The following C3orf20 variants were observed in gnomAD, a reference collection of about 807,000 sequenced individuals.
C3orf20 encodes the protein uncharacterized protein C3orf20.
A neutral mutation model predicts 88.3 loss-of-function variants in C3orf20; 76 were observed. That is an observed-to-expected ratio of 0.86 (90% CI 0.72 to 1.04). C3orf20 has a LOEUF of 1.04. C3orf20 is among the 50% of genes least tolerant of loss of function. C3orf20 has a pLI of 0.00. For missense variants in C3orf20, 1,056 were observed against 1,123.3 expected, an observed-to-expected ratio of 0.94 and a Z score of 0.86; for synonymous variants, 436 against 437.4, an observed-to-expected ratio of 1.00 and a Z score of 0.04.
In C3orf20 at chr3:14,684,390, C is replaced by T; in HGVS notation, c.625+8C>T. 2 of 1,613,172 alleles carry T rather than the reference C, an allele frequency of 1.2e-6. No individual in the cohort carries two copies. Among genetic ancestry groups the T allele is most frequent in the Non-Finnish European group, 1.7e-6 (2 of 1,179,648 alleles). ...GCGGACAGTTGTGGAAAGGTGGGTA[C>T]CTGAGCTTCAACCCTTAGGTAAGAA... On this transcript the variant is annotated splice_region_variant and intron_variant, in intron 4 of 16. Transcript: ENST00000253697.
intron 15 of C3orf20, among the ~76,000 whole-genome samples, chr3:14,766,654 T>A (rs541758936): frequency 6.6e-6 from 1 of 152,188 alleles, no homozygotes; most frequent in East Asian, 1.9e-4. Flanking sequence ...GCTGCACTCA[T>A]ACAGCAGTGG....
At position 14,721,736 on chromosome 3, in the gene C3orf20, C is replaced by A. The variant is rs768164832; in HGVS notation, c.1518C>A (p.Leu506=). The change falls in exon 10 of 17, where the codon CTC becomes CTA. Residue 506 remains leucine, a synonymous_variant. Transcript: ENST00000253697. ...TFTSLNETVT[L]TVSANNCPHG... ...CCTCCCTGAATGAGACAGTAACACT[C>A]ACTGTGTCGGCCAACAATTGTCCCC... The A allele has an allele frequency of 1.2e-6, 2 of 1,614,200 alleles. No individual in the cohort carries two copies. The highest frequency in any genetic ancestry group is 4.5e-5 in the East Asian group (2 of 44,872).
chr3:14,680,017 C>A (rs1231033253), intron 1 of C3orf20, among the ~76,000 whole-genome samples: 1 of 152,152 alleles, frequency 6.6e-6, no homozygotes, highest in Non-Finnish European at 1.5e-5. Context: ...GGCATAATAA[C>A]AAGTGCTGGC....
At chr3:14,720,480 C>T (rs370990759) in intron 9 of C3orf20, among the ~76,000 whole-genome samples, 14 of 152,162 alleles carry the variant, frequency 9.2e-5, no homozygotes, top group African/African-American at 3.4e-4. Context: ...GCGTAGACCC[C>T]TGGGCAAGCA....
chr3:14,723,038 A>G (rs1270276757), intron 10 of C3orf20, among the ~76,000 whole-genome samples: 2 of 152,252 alleles, frequency 1.3e-5, no homozygotes, highest in African/African-American at 4.8e-5. Flanking sequence ...CAGGGTGACC[A>G]CACTTCCCAG....
intron 12 of C3orf20, among the ~76,000 whole-genome samples, chr3:14,732,099 C>T (rs756789669): frequency 2.0e-5 from 3 of 152,236 alleles, no homozygotes; most frequent in Non-Finnish European, 4.4e-5. Context: ...GTACCATTAT[C>T]CATGTCCACC....
At chr3:14,728,163 C>T (rs1359697055) in intron 11 of C3orf20, among the ~76,000 whole-genome samples, 1 of 152,224 alleles carries the variant, frequency 6.6e-6, no homozygotes, top group East Asian at 1.9e-4. Flanking sequence ...GGCGAGGACA[C>T]AGGCTGAATG....
chr3:14,721,981 C>T, intron 10 of C3orf20, 197 bp downstream of exon 10: 4 of 612,688 alleles, frequency 6.5e-6, no homozygotes, highest in Non-Finnish European at 8.4e-6. Context: ...TAAGGGTCTT[C>T]CAGTTGTAAG....
intron 12 of C3orf20, among the ~76,000 whole-genome samples, chr3:14,746,499 A>T (rs1290351087): frequency 6.6e-6 from 1 of 152,174 alleles, no homozygotes; most frequent in East Asian, 1.9e-4. Flanking sequence ...TTATGACGAG[A>T]TAACTGCAAC....
intron 1 of C3orf20, among the ~76,000 whole-genome samples, chr3:14,676,950 G>A (rs1443304999): frequency 6.6e-6 from 1 of 152,174 alleles, no homozygotes; most frequent in African/African-American, 2.4e-5. Flanking sequence ...CCAGAATGCT[G>A]TTTTATATGC....
chr3:14,695,368 GT>G (rs538100352), intron 5 of C3orf20, among the ~76,000 whole-genome samples: 82 of 146,276 alleles, frequency 5.6e-4, no homozygotes, highest in African/African-American at 1.7e-3. Context: ...GTTATTTCAG[GT>G]TTTTTTTTTT....
intron 12 of C3orf20, among the ~76,000 whole-genome samples, chr3:14,729,080 A>T (rs2034454998): frequency 6.6e-6 from 1 of 152,168 alleles, no homozygotes; most frequent in South Asian, 2.1e-4. Flanking sequence ...ACACGGCTAC[A>T]CCCACTCATT....
intron 12 of C3orf20, among the ~76,000 whole-genome samples, chr3:14,737,091 G>A (rs1305450899): frequency 6.6e-6 from 1 of 151,840 alleles, no homozygotes; most frequent in African/African-American, 2.4e-5. Context: ...GCTTTTCTAT[G>A]ATGTGCCTAA....
In C3orf20 at chr3:14,715,368, T is replaced by C. The variant is rs765148803; in HGVS notation, c.1393T>C (p.Trp465Arg). ...QQGYVVHKWSWTSRTETLLSL... is the reference protein window; with the variant it reads ...QQGYVVHKWSRTSRTETLLSL... ...GGGCTATGTAGTCCACAAGTGGAGC[T>C]GGACTTCCAGGACAGAGACCCTGCT... Residue 465 changes from tryptophan to arginine, a missense_variant, in exon 9 of 17, where the codon TGG becomes CGG. By Grantham distance (101) the Trp-to-Arg change is moderately radical. Coordinates refer to ENST00000253697, the MANE Select transcript of C3orf20 (RefSeq NM_032137.5). 1.9e-6 allele frequency: 3 copies of C among 1,612,476 alleles called. No individual in the cohort carries two copies. The highest frequency in any genetic ancestry group is 2.5e-6 in the Non-Finnish European group (3 of 1,179,784).
intron 4 of C3orf20, among the ~76,000 whole-genome samples, chr3:14,684,905 C>G (rs1387709527): frequency 1.3e-5 from 2 of 152,206 alleles, no homozygotes; most frequent in Non-Finnish European, 2.9e-5. Flanking sequence ...TTATTGCAGG[C>G]AGGCATGGTG....
chr3:14,759,844 T>C (rs2035502863), intron 13 of C3orf20, 47 bp from the exon 14 acceptor site: 4 of 1,502,246 alleles, frequency 2.7e-6, no homozygotes, highest in Non-Finnish European at 3.7e-6. Flanking sequence ...TCCAGGTACA[T>C]CTTATTGGCA....
In C3orf20 at chr3:14,721,727, A is replaced by C. The variant is rs1342803761; in HGVS notation, c.1509A>C (p.Thr503=). The C allele has an allele frequency of 6.2e-7, 1 of 1,614,126 alleles. No homozygotes were observed. Among genetic ancestry groups the C allele is most frequent in the African/African-American group, 1.3e-5 (1 of 74,948 alleles). The change falls in exon 10 of 17, where the codon ACA becomes ACC. Residue 503 remains threonine, a synonymous_variant. Transcript: ENST00000253697. ...TCACCTTCACCTCCCTGAATGAGAC[A>C]GTAACACTCACTGTGTCGGCCAACA... ...ITVTFTSLNE[T]VTLTVSANNC... is the part of the protein sequence containing the mutation.
intron 12 of C3orf20, among the ~76,000 whole-genome samples, chr3:14,735,047 A>G (rs1276654538): frequency 6.7e-6 from 1 of 149,742 alleles, no homozygotes; most frequent in Admixed American, 6.7e-5. Flanking sequence ...TTTGTTTTTT[A>G]ATTTTTTACT....
At chr3:14,770,312 G>C (rs530043716) in intron 15 of C3orf20, among the ~76,000 whole-genome samples, 1 of 152,180 alleles carries the variant, frequency 6.6e-6, no homozygotes, top group Admixed American at 6.5e-5. Flanking sequence ...ACATGTAAAC[G>C]TTGTGCATAC....
Sources: allele counts gnomAD v4.1 joint callset (sites outside exome capture counted in the v4.1 genomes callset), GRCh38; gene constraint gnomAD v4.1.1; transcripts MANE v1.5; gene names NCBI Gene and HGNC (gene_info 2026-07-23, HGNC 2026-07-21).